Variants in SHLD1 observed in about 807,000 individuals in gnomAD.
SHLD1 encodes RINN1-REV7-interacting novel NHEJ regulator 3.
Under a neutral mutation model 5.5 loss-of-function variants are expected in SHLD1, and 3 were observed. The ratio of observed to expected loss-of-function variants is 0.54; its 90% CI spans 0.25 to 1.40. The LOEUF (loss-of-function observed/expected upper bound fraction) is 1.40. Among genes scored for constraint, SHLD1 ranks in the 40% most tolerant of loss-of-function variants. The probability of loss-of-function intolerance (pLI) is 0.15; values close to 1 mark genes in which losing one functional copy is unlikely to be tolerated. For synonymous variants in SHLD1, 92 were observed against 94.3 expected, an observed-to-expected ratio of 0.98 and a Z score of 0.14; for missense variants, 210 against 244.4, an observed-to-expected ratio of 0.86 and a Z score of 0.94.
At chr20:5,811,877 T>C (rs1436996572) in intron 2 of SHLD1, among the ~76,000 whole-genome samples, 2 of 151,694 alleles carry the variant, frequency 1.3e-5, no homozygotes, top group African/African-American at 4.8e-5. Flanking sequence ...AAAATGAATT[T>C]GAACACCTGC....
At chr20:5,817,394 T>TTCTCTCTCTCTCTC (rs144955343) in intron 2 of SHLD1, among the ~76,000 whole-genome samples, 1,180 of 75,568 alleles carry the variant, frequency 0.016, 15 homozygotes, top group Non-Finnish European at 0.024. Flanking sequence ...ACGGGATATT[T>TTCTCTCTCTCTCTC]TCTCTCTCTC....
At chr20:5,862,111 T>G (rs1418080426) in intron 2 of SHLD1, among the ~76,000 whole-genome samples, 2 of 152,220 alleles carry the variant, frequency 1.3e-5, no homozygotes, top group Non-Finnish European at 2.9e-5. Flanking sequence ...TAACTTTAAT[T>G]ACCTCCTAAA....
At position 5,786,950 on chromosome 20, in the gene SHLD1, A is replaced by G. The variant is rs534687026; in HGVS notation, c.178+13907A>G. Among the ~76,000 whole-genome samples the G allele has an allele frequency of 9.9e-4, 151 of 152,306 alleles. 2 individuals are homozygous for G. The highest frequency in any genetic ancestry group is 3.5e-3 in the African/African-American group (147 of 41,568). On this transcript the variant is annotated intron_variant, in intron 2 of 2. Coordinates refer to ENST00000303142, the MANE Select transcript of SHLD1 (RefSeq NM_152504.4). ...ATCCTCTCATGTGTGCCTCCTGACC[A>G]CACTGCTATTTCTGCTGTTGTAGAA... is the stretch of plus-strand genomic sequence containing the variant.
chr20:5,809,554 G>T (rs2087429156), intron 2 of SHLD1, among the ~76,000 whole-genome samples: 1 of 152,042 alleles, frequency 6.6e-6, no homozygotes, highest in Non-Finnish European at 1.5e-5. Flanking sequence ...AGCAGCTCCA[G>T]CTCTAGCTGG....
chr20:5,821,287 C>T (rs528171012), intron 2 of SHLD1, among the ~76,000 whole-genome samples: 253 of 151,920 alleles, frequency 1.7e-3, no homozygotes, highest in African/African-American at 5.6e-3. Context: ...CTGAGGTGGG[C>T]GGATCACCTG....
chr20:5,764,201 ATATATATTTGTGTGTGTG>A (rs1984687050), intron 1 of SHLD1, among the ~76,000 whole-genome samples: 1 of 42,364 alleles, frequency 2.4e-5, no homozygotes, highest in African/African-American at 9.9e-5. Flanking sequence ...TTTTATATAT[ATATATATTTGTGTGTGTG>A]TATATATATA....
chr20:5,759,196 G>A (rs538328024), intron 1 of SHLD1, among the ~76,000 whole-genome samples: 9 of 151,008 alleles, frequency 6.0e-5, no homozygotes, highest in East Asian at 3.9e-4. Flanking sequence ...CTCGTGATCC[G>A]CCCACCTCGG....
intron 2 of SHLD1, among the ~76,000 whole-genome samples, chr20:5,860,910 A>AAAAAAAAC (rs2088154308): frequency 8.1e-6 from 1 of 122,814 alleles, no homozygotes; most frequent in Non-Finnish European, 1.7e-5. Flanking sequence ...AAAAAAAAAA[A>AAAAAAAAC]AGACGGGCCT....
chr20:5,770,711 T>C (rs1985107431), intron 1 of SHLD1, among the ~76,000 whole-genome samples: 1 of 152,216 alleles, frequency 6.6e-6, no homozygotes, highest in South Asian at 2.1e-4. Flanking sequence ...TTTCCAGCAC[T>C]ACATTATTTC....
At chr20:5,833,965 A>G (rs2087760811) in intron 2 of SHLD1, among the ~76,000 whole-genome samples, 2 of 152,224 alleles carry the variant, frequency 1.3e-5, no homozygotes, top group Admixed American at 6.5e-5. Flanking sequence ...CATTCATCTC[A>G]GATAATACTT....
chr20:5,857,914 A>T (rs1364092946), intron 2 of SHLD1, among the ~76,000 whole-genome samples: 1 of 151,902 alleles, frequency 6.6e-6, no homozygotes, highest in East Asian at 1.9e-4. Flanking sequence ...CCCGGCTAAC[A>T]CGGTGAAACC....
intron 2 of SHLD1, among the ~76,000 whole-genome samples, chr20:5,832,139 C>A (rs549906427): frequency 6.6e-6 from 1 of 152,314 alleles, no homozygotes; most frequent in African/African-American, 2.4e-5. Context: ...TGGGGTTTCA[C>A]CATGTTGGCC....
chr20:5,778,054 C>T (rs935934032), intron 2 of SHLD1, among the ~76,000 whole-genome samples: 2 of 150,630 alleles, frequency 1.3e-5, no homozygotes, highest in Non-Finnish European at 3.0e-5. Flanking sequence ...AGTGGTGGCT[C>T]ATGCCTGTTA....
intron 1 of SHLD1, chr20:5,771,989 C>T (rs1406371710): frequency 2.3e-6 from 1 of 433,884 alleles, no homozygotes; most frequent in African/African-American, 2.1e-5. Context: ...ATTCTCTTGC[C>T]TCTGACTCCC....
chr20:5,861,339 T>G (rs1435462880), intron 2 of SHLD1, among the ~76,000 whole-genome samples: 1 of 152,240 alleles, frequency 6.6e-6, no homozygotes, highest in African/African-American at 2.4e-5. Flanking sequence ...TGTGACTATA[T>G]TTCAGTTGTT....
At chr20:5,814,897 C>T (rs1031639064) in intron 2 of SHLD1, among the ~76,000 whole-genome samples, 1 of 151,980 alleles carries the variant, frequency 6.6e-6, no homozygotes, top group Non-Finnish European at 1.5e-5. Flanking sequence ...AAGAGATCTG[C>T]CCACCTTGGC....
intron 2 of SHLD1, among the ~76,000 whole-genome samples, chr20:5,781,721 C>T (rs940347450): frequency 3.9e-5 from 6 of 152,070 alleles, no homozygotes; most frequent in South Asian, 2.1e-4. Context: ...TCAAGTCATC[C>T]GTCCACCTTG....
rs140097370 is a variant in SHLD1, at chr20:5,788,695, C to T, written c.178+15652C>T. The stretch of plus-strand genomic sequence containing the variant: ...AAAAGTTCTCAGAGATTATTTTACT[C>T]AACTGAAATCCAAGGAGGTAATTTC... On this transcript the variant is annotated intron_variant, in intron 2 of 2. Transcript: ENST00000303142. Among the ~76,000 whole-genome samples, 8 of 152,328 alleles carry T rather than the reference C, an allele frequency of 5.3e-5. No homozygotes were observed. In the East Asian group the frequency reaches 1.3e-3, roughly 26 times the overall value.
intron 2 of SHLD1, among the ~76,000 whole-genome samples, chr20:5,774,197 C>G (rs1441869130): frequency 2.0e-5 from 3 of 152,158 alleles, no homozygotes; most frequent in Non-Finnish European, 4.4e-5. Context: ...GAGCAAAACT[C>G]TGTCTCAAAA....
Sources: gnomAD v4.1 joint callset for allele counts (sites outside exome capture counted in the v4.1 genomes callset) on GRCh38, gnomAD v4.1.1 for gene constraint, MANE v1.5 for transcripts, NCBI Gene and HGNC (gene_info 2026-07-23, HGNC 2026-07-21) for gene names.